The following OAT variants were observed in gnomAD, a reference collection of about 807,000 sequenced individuals.
OAT encodes the protein ornithine aminotransferase.
A neutral mutation model predicts 48.4 loss-of-function variants in OAT; 35 were observed. The ratio of observed to expected loss-of-function variants is 0.72; its 90% CI spans 0.55 to 0.96. OAT has a LOEUF of 0.96. OAT is among the 40% of genes least tolerant of loss of function. OAT has a pLI of 0.00. For synonymous variants in OAT, 182 were observed against 198.4 expected (o/e 0.92, Z 0.70); for missense variants, 438 against 537.9 (o/e 0.81, Z 1.84).
In OAT at chr10:124,405,569, A is replaced by C. The variant is rs369018496; in HGVS notation, c.521-6T>G. ...CCTACCCCAGAAGTTCCCAGCTACA[A>C]AGGGGAAACAAACAGTGATTATTTC... On this transcript the variant is annotated splice_region_variant and splice_polypyrimidine_tract_variant and intron_variant, in intron 4 of 9. Coordinates refer to ENST00000368845, the MANE Select transcript of OAT (RefSeq NM_000274.4). 28 of 1,613,650 alleles carry C rather than the reference A, an allele frequency of 1.7e-5. No homozygotes were observed. Among genetic ancestry groups the C allele is most frequent in the South Asian group, 1.6e-4 (15 of 91,072 alleles).
intron 1 of OAT, among the ~76,000 whole-genome samples, chr10:124,417,447 G>A (rs761978887): frequency 3.3e-4 from 50 of 152,068 alleles, no homozygotes; most frequent in Non-Finnish European, 6.8e-4. Flanking sequence ...ACGATGTCTG[G>A]CTAATTTTTG....
rs7918707 is a variant in OAT at position 124,408,144 on chromosome 10, G to C, written c.520+398C>G. On this transcript the variant is annotated intron_variant, in intron 4 of 9. Coordinates refer to ENST00000368845, the MANE Select transcript of OAT (RefSeq NM_000274.4). ...ATATGAAGAAATAATCCCAAGAAGA[G>C]GAAATCCCTCATAAATTTTTATGAA... Among the ~76,000 whole-genome samples, 978 of 151,810 alleles carry C rather than the reference G, an allele frequency of 6.4e-3. 8 individuals carry two copies. Among genetic ancestry groups the C allele is most frequent in the African/African-American group, 0.023 (940 of 41,360 alleles).
chr10:124,406,119 G>A lies in OAT; in HGVS notation c.521-556C>T, dbSNP rs139762605. 6.2e-4 allele frequency: 606 copies of A among 984,752 alleles called. 3 individuals carry two copies. In the African/African-American group the frequency reaches 8.4e-3, roughly 14 times the overall value. 61.0% of individuals were successfully genotyped at this position (984,752 alleles called of 1,614,324 possible). On this transcript the variant is annotated intron_variant, in intron 4 of 9. Transcript: ENST00000368845. ...TCCTTTATGATGCTAAATGACAGACGTCTCCCTTTCTGCTGGAATATTTTT... is the reference window on the plus strand; with the variant it reads ...TCCTTTATGATGCTAAATGACAGACATCTCCCTTTCTGCTGGAATATTTTT...
chr10:124,401,058 A>C (rs961024130), intron 8 of OAT, 74 bp from the exon 9 acceptor site: 1 of 1,021,020 alleles, frequency 9.8e-7, no homozygotes, highest in Non-Finnish European at 1.5e-6. Flanking sequence ...CGGGGACTGT[A>C]AACACAGGAA....
At chr10:124,398,450 T>C (rs2134441833) in intron 9 of OAT, among the ~76,000 whole-genome samples, 1 of 151,238 alleles carries the variant, frequency 6.6e-6, no homozygotes, top group Middle Eastern at 3.5e-3. Flanking sequence ...GAGGCTGCAG[T>C]GAGCGGAGAT....
At chr10:124,407,517 A>G (rs1018061709) in intron 4 of OAT, 12 of 902,098 alleles carry the variant, frequency 1.3e-5, no homozygotes, top group African/African-American at 3.6e-5. Flanking sequence ...CAAGTTACAG[A>G]GTTTTGCTAA....
intron 4 of OAT, chr10:124,406,211 C>T (rs1405379877): frequency 1.3e-6 from 1 of 782,566 alleles, no homozygotes; most frequent in Non-Finnish European, 1.6e-6. Flanking sequence ...GGGGAATAGA[C>T]CAGGCACAGT....
chr10:124,401,696 T>C (rs770873789), intron 8 of OAT, 30 bp downstream of exon 8: 3 of 1,411,960 alleles, frequency 2.1e-6, no homozygotes, highest in East Asian at 2.3e-5. Flanking sequence ...CTTTAAAGAA[T>C]AGACACTGTG....
rs774667123 is a variant in OAT at position 124,412,208 on chromosome 10, A to G, written c.-29-8T>C. The G allele has an allele frequency of 4.0e-5, 63 of 1,582,916 alleles. No individual in the cohort carries two copies. The highest frequency in any genetic ancestry group is 5.3e-5 in the Non-Finnish European group (61 of 1,156,536). ...AGTAGAAAAACCACAGATCTGTCCA[A>G]AGAAAAGAGAATGCATTAAGAGTGA... On this transcript the variant is annotated splice_polypyrimidine_tract_variant and splice_region_variant and intron_variant, in intron 1 of 9. Transcript: ENST00000368845.
intron 2 of OAT, 90 bp from the exon 3 acceptor site, chr10:124,409,055 G>T: frequency 6.0e-6 from 5 of 829,036 alleles, no homozygotes; most frequent in Non-Finnish European, 8.0e-6. Flanking sequence ...CCCTCTGAAT[G>T]CCTATATATG....
intron 1 of OAT, among the ~76,000 whole-genome samples, chr10:124,418,379 C>G (rs1020492256): frequency 1.3e-5 from 2 of 152,198 alleles, no homozygotes; most frequent in African/African-American, 4.8e-5. Flanking sequence ...CCCCAGAACG[C>G]AGCCTCCCCG....
At chr10:124,409,514 G>A (rs1302854923) in intron 2 of OAT, among the ~76,000 whole-genome samples, 1 of 151,756 alleles carries the variant, frequency 6.6e-6, no homozygotes, top group African/African-American at 2.4e-5. Flanking sequence ...TTGTGCCACT[G>A]CACTCCAGCC....
chr10:124,405,805 C>T, intron 4 of OAT: 2 of 1,300,776 alleles, frequency 1.5e-6, no homozygotes, highest in South Asian at 3.1e-5. Flanking sequence ...TCTACTGAGC[C>T]TCTTGACTGG....
Position 124,402,922 on chromosome 10 carries a change from C to G in OAT, c.900+5G>C, listed in dbSNP as rs532986260. On this transcript the variant is annotated splice_donor_5th_base_variant and intron_variant, in intron 7 of 9. Transcript: ENST00000368845. ...AAATGGAAAGAGGGGGAACATGAAA[C>G]TTACAGGGTATAAGCCCCCAGAAAG... 8 of 1,613,528 alleles carry G rather than the reference C, an allele frequency of 5.0e-6. No homozygotes were observed. The highest frequency in any genetic ancestry group is 6.8e-6 in the Non-Finnish European group (8 of 1,179,892).
intron 1 of OAT, among the ~76,000 whole-genome samples, chr10:124,417,363 C>G (rs1430063647): frequency 6.8e-6 from 1 of 146,552 alleles, no homozygotes; most frequent in Non-Finnish European, 1.5e-5. Context: ...CAACTCACTG[C>G]AAGCTCTGCC....
At position 124,418,901 on chromosome 10, in the gene OAT, A is replaced by T. The variant is rs965811729; in HGVS notation, c.-58T>A. ...ACAGCGCCTGAGGACAACCGGGTAC[A>T]CGCGGCGTCTATGAAGCGCAACAGT... On this transcript the variant is annotated 5_prime_UTR_variant, in exon 1 of 10. Coordinates refer to ENST00000368845, the MANE Select transcript of OAT (RefSeq NM_000274.4). 3 of 152,244 alleles carry T rather than the reference A, an allele frequency of 2.0e-5. No individual in the cohort carries two copies. The highest frequency in any genetic ancestry group is 7.2e-5 in the African/African-American group (3 of 41,426). The allele number at this position is 152,244 out of a possible 1,614,324, so 9.4% of individuals were successfully genotyped here.
rs1210796009 is a variant in OAT, at chr10:124,418,908, G to C, written c.-65C>G. ...CTGAGGACAACCGGGTACACGCGGC[G>C]TCTATGAAGCGCAACAGTGACGCCG... On this transcript the variant is annotated 5_prime_UTR_variant, in exon 1 of 10. Coordinates refer to ENST00000368845, the MANE Select transcript of OAT (RefSeq NM_000274.4). The C allele has an allele frequency of 6.6e-6, 1 of 152,276 alleles. No homozygotes were observed. The highest frequency in any genetic ancestry group is 6.5e-5 in the Admixed American group (1 of 15,288). 9.4% of individuals were successfully genotyped at this position (152,276 alleles called of 1,614,324 possible).
chr10:124,402,836 G>T, intron 7 of OAT, 91 bp downstream of exon 7: 1 of 1,514,294 alleles, frequency 6.6e-7, no homozygotes. Context: ...CAATCTGAAA[G>T]CATTGTTGTC....
intron 1 of OAT, among the ~76,000 whole-genome samples, chr10:124,413,309 C>CAT (rs1268341347): frequency 1.5e-5 from 2 of 129,132 alleles, no homozygotes; most frequent in Non-Finnish European, 3.2e-5. Flanking sequence ...CACACACACA[C>CAT]ATATATGAGA....
Sources: gnomAD v4.1 joint callset for allele counts (sites outside exome capture counted in the v4.1 genomes callset) on GRCh38, gnomAD v4.1.1 for gene constraint, MANE v1.5 for transcripts, NCBI Gene and HGNC (gene_info 2026-07-23, HGNC 2026-07-21) for gene names.